The following FNDC7 variants were observed in gnomAD, a reference collection of about 807,000 sequenced individuals.
The protein encoded by FNDC7 is fibronectin type III domain-containing protein 7.
Under a neutral mutation model 74.2 loss-of-function variants are expected in FNDC7, and 66 were observed. That is an observed-to-expected ratio of 0.89 (90% CI 0.73 to 1.09). The LOEUF is 1.09. Ranked by LOEUF, FNDC7 falls within the 50% of genes least tolerant of loss-of-function variation. The pLI, the probability that FNDC7 is intolerant of heterozygous loss-of-function variation, is 0.00. For synonymous variants in FNDC7, 307 were observed against 330.2 expected (o/e 0.93, Z 0.76); for missense variants, 829 against 893.4 (o/e 0.93, Z 0.92).
In FNDC7 at chr1:108,742,537, G is replaced by T. The variant is rs1252324020; in HGVS notation, c.*650G>T. On this transcript the variant is annotated 3_prime_UTR_variant, in exon 13 of 13. Coordinates refer to ENST00000370017, the MANE Select transcript of FNDC7 (RefSeq NM_001144937.3). Reference sequence around the variant, plus strand: ...AGCATCTGGGAAAGCAGAGCTGCCAGCCTGTTGCTAGAAGGGTTGCAGTTA... The same window carrying T: ...AGCATCTGGGAAAGCAGAGCTGCCATCCTGTTGCTAGAAGGGTTGCAGTTA... 2.0e-5 allele frequency: 3 copies of T among 152,258 alleles called. No individual in the cohort carries two copies. Among genetic ancestry groups the T allele is most frequent in the African/African-American group, 7.2e-5 (3 of 41,456 alleles). 9.4% of individuals were successfully genotyped at this position (152,258 alleles called of 1,614,324 possible).
chr1:108,737,894 A>G (rs529251748), intron 11 of FNDC7, among the ~76,000 whole-genome samples: 1 of 152,352 alleles, frequency 6.6e-6, no homozygotes, highest in Admixed American at 6.5e-5. Context: ...CTGTCCCCAG[A>G]AAGTTTGATT....
At chr1:108,730,347 C>T (rs543456096) in intron 8 of FNDC7, among the ~76,000 whole-genome samples, 12 of 146,098 alleles carry the variant, frequency 8.2e-5, no homozygotes, top group African/African-American at 3.1e-4. Context: ...CAGAGCGAGA[C>T]TCCATCTCCT....
chr1:108,722,790 A>G (rs1346375002), intron 5 of FNDC7, among the ~76,000 whole-genome samples, 198 bp downstream of exon 5: 1 of 152,238 alleles, frequency 6.6e-6, no homozygotes, highest in Non-Finnish European at 1.5e-5. Flanking sequence ...TGCAAAAAGC[A>G]CTTTTTGGAA....
chr1:108,739,137 TA>T (rs1025055228), intron 11 of FNDC7, among the ~76,000 whole-genome samples: 150 of 148,708 alleles, frequency 1.0e-3, no homozygotes, highest in African/African-American at 1.5e-3. Flanking sequence ...TGTAAAAATG[TA>T]AAAAAAAAAA....
intron 5 of FNDC7, 110 bp downstream of exon 5, chr1:108,722,702 C>T: frequency 8.1e-7 from 1 of 1,228,150 alleles, no homozygotes; most frequent in East Asian, 2.5e-5. Flanking sequence ...AAATGAAAGC[C>T]TGGTCTAAAT....
intron 9 of FNDC7, among the ~76,000 whole-genome samples, chr1:108,731,722 A>G (rs1447481469): frequency 6.6e-6 from 1 of 152,240 alleles, no homozygotes; most frequent in African/African-American, 2.4e-5. Flanking sequence ...TCCTCATTGA[A>G]AAAGACAGGA....
At chr1:108,740,800 C>T (rs1006524372) in intron 11 of FNDC7, among the ~76,000 whole-genome samples, 1 of 152,184 alleles carries the variant, frequency 6.6e-6, no homozygotes, top group Admixed American at 6.5e-5. Flanking sequence ...TTATTGGACA[C>T]AATAATAGGC....
intron 4 of FNDC7, 30 bp from the exon 5 acceptor site, chr1:108,722,305 C>T (rs1260860503): frequency 3.3e-6 from 5 of 1,534,528 alleles, no homozygotes; most frequent in Non-Finnish European, 3.5e-6. Context: ...AAGGCTACTA[C>T]AAAATCTTAA....
In FNDC7 at chr1:108,730,828, C is replaced by G. The variant is rs779462169; in HGVS notation, c.1779C>G (p.Leu593=). 6.2e-7 allele frequency: 1 copy of G among 1,613,976 alleles called. No individual in the cohort carries two copies. The highest frequency in any genetic ancestry group is 8.5e-7 in the Non-Finnish European group (1 of 1,179,940). ...SKCHTHQNHC[L]LGCITCGINY... ...GTCACACTCATCAAAACCACTGCCT[C>G]CTAGGATGCATCACATGTGGCATCA... The change falls in exon 9 of 13, where the codon CTC becomes CTG. Residue 593 remains leucine (L), a synonymous_variant. Coordinates refer to ENST00000370017, the MANE Select transcript of FNDC7 (RefSeq NM_001144937.3).
At position 108,728,768 on chromosome 1, in the gene FNDC7, C is replaced by G; in HGVS notation, c.1506C>G (p.Ser502Arg). The change falls in exon 8 of 13, where the codon AGC becomes AGG. Residue 502 changes from serine to arginine, a missense_variant. By Grantham distance (110) the Ser-to-Arg change is moderately radical. Transcript: ENST00000370017. ...QGEKGLYQCS[S>R]TGESCTMRGL... is the part of the protein sequence containing the mutation. ...AGAAAGGACTGTATCAGTGCAGCAG[C>G]ACAGGAGAGTCCTGCACCATGCGGG... 1 of 1,614,266 alleles carries G rather than the reference C, an allele frequency of 6.2e-7. No homozygotes were observed. Among genetic ancestry groups the G allele is most frequent in the Non-Finnish European group, 8.5e-7 (1 of 1,180,054 alleles).
chr1:108,719,370 C>A (rs962092650), intron 4 of FNDC7, among the ~76,000 whole-genome samples: 3 of 152,182 alleles, frequency 2.0e-5, no homozygotes, highest in Admixed American at 6.5e-5. Context: ...CACCCCTTGT[C>A]CCTTTCTGGG....
intron 2 of FNDC7, among the ~76,000 whole-genome samples, chr1:108,715,973 A>G (rs986821046): frequency 6.6e-6 from 1 of 152,106 alleles, no homozygotes; most frequent in Non-Finnish European, 1.5e-5. Context: ...GGCTTCCTGC[A>G]TTATGACTTC....
chr1:108,733,366 C>A lies in FNDC7; in HGVS notation c.1974C>A (p.Ser658Arg). 1.2e-6 allele frequency: 2 copies of A among 1,614,170 alleles called. No homozygotes were observed. Among genetic ancestry groups the A allele is most frequent in the African/African-American group, 1.3e-5 (1 of 75,026 alleles). The change falls in exon 10 of 13, where the codon AGC becomes AGA. Residue 658 changes from serine (S) to arginine (R), a missense_variant. Transcript: ENST00000370017. ...CCTCCAGGGGCTCTGCCAATTACAG[C>A]ACTGACCTCTATGGCTCCAAAGGCA... ...WQASRGSANY[S>R]TDLYGSKGIF...
chr1:108,722,285 C>T (rs544881849), intron 4 of FNDC7, 50 bp from the exon 5 acceptor site: 126 of 1,479,462 alleles, frequency 8.5e-5, no homozygotes, highest in Middle Eastern at 6.7e-4. Flanking sequence ...CCAACTCTTA[C>T]GTAGTTTGTA....
In FNDC7 at chr1:108,717,776, G is replaced by T; in HGVS notation, c.83-1G>T. ...ATGTACAACTCTAAAACCTCTTTCA[G>T]CTCCTGAAATACCCACTATTGATCA... On this transcript the variant is annotated splice_acceptor_variant, in intron 2 of 12. Transcript: ENST00000370017. LOFTEE classifies it high-confidence loss of function. 1 of 1,551,436 alleles carries T rather than the reference G, an allele frequency of 6.4e-7. No individual in the cohort carries two copies. The highest frequency in any genetic ancestry group is 8.7e-7 in the Non-Finnish European group (1 of 1,146,782).
Position 108,725,787 on chromosome 1 carries a change from T to A in FNDC7, c.894T>A (p.Asp298Glu). The change falls in exon 6 of 13, where the codon GAT becomes GAA. Residue 298 changes from aspartate (D) to glutamate (E), a missense_variant. By Grantham distance (45) the Asp-to-Glu change is conservative. Transcript: ENST00000370017. ...CAPGRVTIQE[D>E]PPGHLSVAWS... ...CCGGAAGAGTGACGATCCAAGAAGA[T>A]CCCCCTGGCCACCTGTCTGTGGCTT... is the stretch of plus-strand genomic sequence containing the variant. 6.2e-7 allele frequency: 1 copy of A among 1,614,068 alleles called. No homozygotes were observed. The highest frequency in any genetic ancestry group is 1.3e-5 in the African/African-American group (1 of 75,012).
chr1:108,729,057 G>C (rs1402253078), intron 8 of FNDC7, among the ~76,000 whole-genome samples, 171 bp downstream of exon 8: 1 of 152,196 alleles, frequency 6.6e-6, no homozygotes, highest in Non-Finnish European at 1.5e-5. Flanking sequence ...TATTTTACAA[G>C]TTCTGTAAAA....
chr1:108,739,464 C>T (rs1467496118), intron 11 of FNDC7, among the ~76,000 whole-genome samples: 3 of 152,176 alleles, frequency 2.0e-5, no homozygotes, highest in Non-Finnish European at 2.9e-5. Context: ...GCTATGATAG[C>T]ACCACTGCGC....
chr1:108,720,034 A>G (rs868721847), intron 4 of FNDC7, among the ~76,000 whole-genome samples: 2 of 152,190 alleles, frequency 1.3e-5, no homozygotes, highest in Middle Eastern at 3.4e-3. Context: ...CTATTTCCCT[A>G]GGGAGGTAGT....
Sources: allele counts gnomAD v4.1 joint callset (sites outside exome capture counted in the v4.1 genomes callset), GRCh38; gene constraint gnomAD v4.1.1; transcripts MANE v1.5; gene names NCBI Gene and HGNC (gene_info 2026-07-23, HGNC 2026-07-21).